ZMAT4: variants seen among roughly 807,000 people sequenced by gnomAD.
ZMAT4 encodes zinc finger matrin-type 4, also known as zinc finger matrin-type protein 4.
Under a neutral mutation model 28.7 loss-of-function variants are expected in ZMAT4, and 17 were observed. The observed-to-expected ratio is 0.59, with a 90% CI of 0.41 to 0.89. The LOEUF (loss-of-function observed/expected upper bound fraction) is 0.89, where lower values mean the gene tolerates loss of function less well. Among genes scored for constraint, ZMAT4 ranks in the 40% least tolerant of loss-of-function variants. The probability of loss-of-function intolerance (pLI) is 0.00; values close to 1 mark genes in which losing one functional copy is unlikely to be tolerated. For missense variants in ZMAT4, 240 were observed against 283.8 expected (o/e 0.85, Z 1.11); for synonymous variants, 117 against 109.2 (o/e 1.07, Z -0.44).
At chr8:40,855,333 C>T (rs1817258998) in intron 1 of ZMAT4, among the ~76,000 whole-genome samples, 1 of 152,104 alleles carries the variant, frequency 6.6e-6, no homozygotes, top group African/African-American at 2.4e-5. Flanking sequence ...CTGCTGCCTG[C>T]TTTTGGCCCT....
At chr8:40,666,243 A>G (rs930506381) in intron 5 of ZMAT4, among the ~76,000 whole-genome samples, 2 of 152,162 alleles carry the variant, frequency 1.3e-5, no homozygotes, top group African/African-American at 4.8e-5. Flanking sequence ...CCATAACTCA[A>G]TAACTTCCTT....
chr8:40,532,998 T>A (rs1015475143), intron 6 of ZMAT4, among the ~76,000 whole-genome samples: 5 of 151,104 alleles, frequency 3.3e-5, no homozygotes, highest in African/African-American at 4.9e-5. Context: ...AAAAAAAAAA[T>A]TCTTTCTGGC....
At chr8:40,879,506 C>T (rs186294188) in intron 1 of ZMAT4, among the ~76,000 whole-genome samples, 4 of 152,290 alleles carry the variant, frequency 2.6e-5, no homozygotes, top group East Asian at 1.9e-4. Context: ...GAGTAAAAAA[C>T]GGTTCCACAC....
At chr8:40,784,233 T>C (rs932741497) in intron 2 of ZMAT4, among the ~76,000 whole-genome samples, 1 of 152,148 alleles carries the variant, frequency 6.6e-6, no homozygotes, top group African/African-American at 2.4e-5. Flanking sequence ...TCATGATCAA[T>C]CATGGATTAA....
chr8:40,671,527 T>A (rs1259912808), intron 5 of ZMAT4, among the ~76,000 whole-genome samples: 2 of 152,160 alleles, frequency 1.3e-5, no homozygotes, highest in African/African-American at 4.8e-5. Context: ...ATGGATAAAT[T>A]TCATAAACAA....
chr8:40,542,429 C>G (rs944889651), intron 6 of ZMAT4, among the ~76,000 whole-genome samples: 6 of 152,066 alleles, frequency 3.9e-5, no homozygotes, highest in Admixed American at 1.3e-4. Context: ...CACTCTGTCA[C>G]CCAGGCTGGA....
intron 2 of ZMAT4, among the ~76,000 whole-genome samples, chr8:40,791,332 C>T (rs1814315119): frequency 6.6e-6 from 1 of 152,158 alleles, no homozygotes; most frequent in Non-Finnish European, 1.5e-5. Flanking sequence ...CTCCTAGGAG[C>T]TCCAAAGTAC....
At chr8:40,563,411 T>C (rs557600471) in intron 6 of ZMAT4, among the ~76,000 whole-genome samples, 1 of 152,292 alleles carries the variant, frequency 6.6e-6, no homozygotes, top group African/African-American at 2.4e-5. Flanking sequence ...GCTATATCCT[T>C]GCGGTATCTG....
At chr8:40,885,925 T>C (rs1249605600) in intron 1 of ZMAT4, among the ~76,000 whole-genome samples, 1 of 152,230 alleles carries the variant, frequency 6.6e-6, no homozygotes, top group Non-Finnish European at 1.5e-5. Flanking sequence ...ACAGGTTTGC[T>C]TATGTGTTTG....
intron 3 of ZMAT4, among the ~76,000 whole-genome samples, chr8:40,712,397 C>T (rs907845694): frequency 6.6e-6 from 1 of 152,214 alleles, no homozygotes; most frequent in Non-Finnish European, 1.5e-5. Context: ...CCACTGTGTC[C>T]CCCAGACTCA....
chr8:40,776,028 G>A (rs575138026), intron 2 of ZMAT4, among the ~76,000 whole-genome samples: 49 of 152,272 alleles, frequency 3.2e-4, no homozygotes, highest in Non-Finnish European at 6.3e-4. Context: ...CCTTGATCAT[G>A]GACTTCTAGC....
chr8:40,809,908 G>A (rs1461014429), intron 2 of ZMAT4, among the ~76,000 whole-genome samples: 2 of 152,048 alleles, frequency 1.3e-5, no homozygotes, highest in East Asian at 1.9e-4. Flanking sequence ...GCTGAGCATG[G>A]TGGCGGGCAC....
intron 5 of ZMAT4, among the ~76,000 whole-genome samples, chr8:40,657,507 T>C (rs1423151082): frequency 1.3e-5 from 2 of 152,176 alleles, no homozygotes; most frequent in African/African-American, 4.8e-5. Flanking sequence ...ATTTAATTTT[T>C]TGTTTTAATG....
intron 5 of ZMAT4, among the ~76,000 whole-genome samples, chr8:40,623,973 C>G (rs1469989254): frequency 6.6e-6 from 1 of 152,100 alleles, no homozygotes; most frequent in Non-Finnish European, 1.5e-5. Flanking sequence ...TGGTCTATAC[C>G]TGTGGAGGAG....
intron 5 of ZMAT4, among the ~76,000 whole-genome samples, chr8:40,590,320 C>G (rs1804846903): frequency 6.6e-6 from 1 of 151,764 alleles, no homozygotes; most frequent in Non-Finnish European, 1.5e-5. Context: ...ATGTGAGCCA[C>G]CATATCTGGC....
At chr8:40,761,508 C>T (rs1248693516) in intron 3 of ZMAT4, among the ~76,000 whole-genome samples, 1 of 152,124 alleles carries the variant, frequency 6.6e-6, no homozygotes, top group Non-Finnish European at 1.5e-5. Context: ...TTGTTAAGCA[C>T]TCCAGCTTCC....
In ZMAT4 at chr8:40,563,713, ATCTC is replaced by A. The variant is rs372216207; in HGVS notation, c.674+17448_674+17451del. ...ATGATTCTGCTTGACTTGATAAGGT[ATCTC>A]TCTCCACCTCCAACTCTCTTTTTAG... On this transcript the variant is annotated intron_variant, in intron 6 of 6. Coordinates refer to ENST00000297737, the MANE Select transcript of ZMAT4 (RefSeq NM_024645.3). 2.0e-4 allele frequency among the ~76,000 whole-genome samples: 30 copies of A among 152,238 alleles called. No individual in the cohort carries two copies. The East Asian group carries it at 5.6e-3, about 28-fold the overall frequency.
chr8:40,571,516 G>T (rs933241230), intron 6 of ZMAT4, among the ~76,000 whole-genome samples: 3 of 152,096 alleles, frequency 2.0e-5, no homozygotes, highest in Non-Finnish European at 2.9e-5. Context: ...TTAAAGACAG[G>T]GCTAGGTAGA....
At chr8:40,776,496 A>G (rs1428035614) in intron 2 of ZMAT4, among the ~76,000 whole-genome samples, 2 of 152,214 alleles carry the variant, frequency 1.3e-5, no homozygotes, top group Non-Finnish European at 2.9e-5. Flanking sequence ...GCCTGGAGGA[A>G]CAGTTTTCTG....
Sources: allele counts gnomAD v4.1 joint callset (sites outside exome capture counted in the v4.1 genomes callset), GRCh38; gene constraint gnomAD v4.1.1; transcripts MANE v1.5; gene names NCBI Gene and HGNC (gene_info 2026-07-23, HGNC 2026-07-21).